Variants in LIMS1 observed in about 807,000 individuals in gnomAD.
LIMS1 encodes LIM zinc finger domain containing 1.
In LIMS1, 18 loss-of-function variants were observed where a neutral mutation model predicts 44.1. The ratio of observed to expected loss-of-function variants is 0.41; its 90% confidence interval spans 0.28 to 0.61. LIMS1 has a LOEUF of 0.61. Among genes scored for constraint, LIMS1 ranks in the 20% least tolerant of loss-of-function variants. The pLI is 0.32. For synonymous variants in LIMS1, 93 were observed against 149.1 expected (o/e 0.62, Z 2.74); for missense variants, 201 against 422.0 (o/e 0.48, Z 4.59).
At chr2:108,619,773 G>T (rs2148870107) in intron 1 of LIMS1, among the ~76,000 whole-genome samples, 1 of 152,274 alleles carries the variant, frequency 6.6e-6, no homozygotes, top group Non-Finnish European at 1.5e-5. Context: ...AAATTGTTTG[G>T]TATTTAAATC....
intron 1 of LIMS1, among the ~76,000 whole-genome samples, chr2:108,592,476 G>C (rs1418175240): frequency 6.6e-6 from 1 of 152,114 alleles, no homozygotes; most frequent in Non-Finnish European, 1.5e-5. Context: ...TGGGAGGGGG[G>C]TGTGTGGAGA....
At chr2:108,568,422 A>G (rs1382707762) in intron 1 of LIMS1, among the ~76,000 whole-genome samples, 2 of 152,152 alleles carry the variant, frequency 1.3e-5, no homozygotes, top group African/African-American at 2.4e-5. Flanking sequence ...TTATTTATCT[A>G]TTAATCTGTT....
At chr2:108,565,550 A>T (rs1685265514) in intron 1 of LIMS1, among the ~76,000 whole-genome samples, 1 of 152,076 alleles carries the variant, frequency 6.6e-6, no homozygotes, top group African/African-American at 2.4e-5. Context: ...GACCTTTTAA[A>T]CCATTCTTTG....
intron 1 of LIMS1, among the ~76,000 whole-genome samples, chr2:108,642,665 A>T (rs1689784795): frequency 6.6e-6 from 1 of 152,094 alleles, no homozygotes; most frequent in African/African-American, 2.4e-5. Context: ...GGCCGCTACT[A>T]GTGTTTTTTA....
intron 1 of LIMS1, among the ~76,000 whole-genome samples, chr2:108,647,399 G>A (rs1252128945): frequency 6.6e-6 from 1 of 152,134 alleles, no homozygotes; most frequent in Non-Finnish European, 1.5e-5. Context: ...AAGAGGAGCT[G>A]GTACCATTCC....
At chr2:108,673,472 A>T (rs539626513) in intron 5 of LIMS1, 1 of 214,466 alleles carries the variant, frequency 4.7e-6, no homozygotes, top group East Asian at 1.4e-4. Flanking sequence ...CTGCAGCCTC[A>T]CCCTCCTGGG....
At chr2:108,654,680 G>A (rs371850422) in intron 1 of LIMS1, 5,633 of 214,846 alleles carry the variant, frequency 0.026, 247 homozygotes, top group South Asian at 0.13. Context: ...TGAAAAGCAC[G>A]GCATTGTTGA....
At chr2:108,638,607 T>C (rs1191975001) in intron 1 of LIMS1, among the ~76,000 whole-genome samples, 1 of 151,986 alleles carries the variant, frequency 6.6e-6, no homozygotes, top group African/African-American at 2.4e-5. Context: ...ATTAGCCTGG[T>C]GTGGTAGCAC....
chr2:108,582,851 A>G (rs945576364), intron 1 of LIMS1, among the ~76,000 whole-genome samples: 1 of 152,198 alleles, frequency 6.6e-6, no homozygotes, highest in East Asian at 1.9e-4. Flanking sequence ...TGGGAATGCC[A>G]TGAAATTATA....
intron 1 of LIMS1, among the ~76,000 whole-genome samples, chr2:108,625,120 G>A (rs926961932): frequency 2.6e-5 from 4 of 152,226 alleles, no homozygotes; most frequent in African/African-American, 4.8e-5. Context: ...GTGAACTTAT[G>A]ACCCTCAGGC....
chr2:108,573,380 C>A (rs529352644), intron 1 of LIMS1, among the ~76,000 whole-genome samples: 184 of 151,748 alleles, frequency 1.2e-3, no homozygotes, highest in African/African-American at 4.4e-3. Flanking sequence ...GAATGTTCTG[C>A]AGCTTTTAGC....
chr2:108,673,381 T>C (rs1692271955), intron 5 of LIMS1: 1 of 330,266 alleles, frequency 3.0e-6, no homozygotes, highest in Non-Finnish European at 5.6e-6. Context: ...ACGATACTTT[T>C]TGTAAATTTT....
In LIMS1 at chr2:108,600,039, T is replaced by TTTG. The variant is rs746593158; in HGVS notation, c.33-59549_33-59547dup. On this transcript the variant is annotated intron_variant, in intron 1 of 9. Coordinates refer to ENST00000544547, the Ensembl canonical transcript of LIMS1. ...CTGTACAGAAGCTGTATTTGTTGTT[T>TTTG]TTGTTGTTGTTGTTGTTGTCGTTTG... Among the ~76,000 whole-genome samples, 640 of 150,520 alleles carry TTTG rather than the reference T, an allele frequency of 4.3e-3. 1 individual carries two copies. Among genetic ancestry groups the TTTG allele is most frequent in the African/African-American group, 8.4e-3 (342 of 40,736 alleles).
intron 1 of LIMS1, among the ~76,000 whole-genome samples, chr2:108,644,297 G>T (rs959690187): frequency 6.6e-6 from 1 of 152,172 alleles, no homozygotes; most frequent in Non-Finnish European, 1.5e-5. Flanking sequence ...CTGGAATGAG[G>T]CATCCAGAGG....
intron 1 of LIMS1, chr2:108,607,064 G>A: frequency 1.6e-6 from 1 of 641,678 alleles, no homozygotes; most frequent in Non-Finnish European, 2.7e-6. Context: ...GGAGCCTTTG[G>A]AGAGATGATT....
intron 1 of LIMS1, among the ~76,000 whole-genome samples, chr2:108,648,715 A>G (rs1558827642): frequency 6.6e-6 from 1 of 152,258 alleles, no homozygotes; most frequent in Admixed American, 6.5e-5. Context: ...CAAACCTGAC[A>G]AAAACAAGCA....
intron 1 of LIMS1, among the ~76,000 whole-genome samples, chr2:108,546,856 T>C (rs1212709593): frequency 6.6e-6 from 1 of 152,208 alleles, no homozygotes; most frequent in Non-Finnish European, 1.5e-5. Context: ...GTGCATGTTT[T>C]ATAATGGAGA....
chr2:108,678,928 A>T (rs747597909), intron 8 of LIMS1, among the ~76,000 whole-genome samples: 15 of 152,214 alleles, frequency 9.9e-5, no homozygotes, highest in Non-Finnish European at 1.6e-4. Context: ...GCCCAGGCCA[A>T]GGGGGCACAG....
At chr2:108,637,099 A>ATATGTGTGTGTG (rs372431532) in intron 1 of LIMS1, among the ~76,000 whole-genome samples, 1 of 98,528 alleles carries the variant, frequency 1.0e-5, no homozygotes, top group African/African-American at 3.2e-5. Context: ...ATATACATAT[A>ATATGTGTGTGTG]TGTGTGTGTG....
Sources: allele counts gnomAD v4.1 joint callset (sites outside exome capture counted in the v4.1 genomes callset), GRCh38; gene constraint gnomAD v4.1.1; transcripts MANE v1.5; gene names NCBI Gene and HGNC (gene_info 2026-07-23, HGNC 2026-07-21).